CCHCR1: variants seen among roughly 807,000 people sequenced by gnomAD.
CCHCR1 encodes the protein HCR (a-helix coiled-coil rod homologue).
In CCHCR1, 91 loss-of-function variants were observed where a neutral mutation model predicts 114.6. The observed-to-expected ratio is 0.79, with a 90% CI of 0.67 to 0.94. The LOEUF (loss-of-function observed/expected upper bound fraction) is 0.94, where lower values mean the gene tolerates loss of function less well. Ranked by LOEUF, CCHCR1 falls within the 40% of genes least tolerant of loss-of-function variation. The pLI, the probability that CCHCR1 is intolerant of heterozygous loss-of-function variation, is 0.00. For synonymous variants in CCHCR1, 379 were observed against 428.5 expected (o/e 0.88, Z 1.43); for missense variants, 899 against 1,079.9 (o/e 0.83, Z 2.35).
Position 31,157,046 on chromosome 6 carries a change from T to C in CCHCR1, c.260A>G (p.Asn87Ser), listed in dbSNP as rs751663105. The C allele has an allele frequency of 3.1e-6, 5 of 1,612,516 alleles. No homozygotes were observed. The highest frequency in any genetic ancestry group is 3.4e-6 in the Non-Finnish European group (4 of 1,179,756). ...GWRQNLEPSN[N>S]VEMFPPSGST... The stretch of plus-strand genomic sequence containing the variant: ...ACCTGAAGGTGGAAACATCTCCACA[T>C]TATTTGAAGGCTCTAGATTCTGTCT... Residue 87 changes from asparagine (N) to serine (S), a missense_variant, in exon 2 of 18, where the codon AAT (asparagine) becomes AGT (serine). Asn to Ser is a conservative substitution (Grantham distance 46, BLOSUM62 1). Transcript: ENST00000396268.
Position 31,156,846 on chromosome 6 carries a change from G to A in CCHCR1, c.382C>T (p.Gln128Ter). ...PTWLSDIPLV[Q>*]PPGHQDVSER... ...GAGACATCTTGATGGCCTGGGGGTT[G>A]GACCAGGGGAATGTCTGAGAGCCAG... Residue 128 changes from glutamine (Q) to a stop codon, truncating the protein, a stop_gained, in exon 3 of 18, where the codon CAA becomes TAA. Transcript: ENST00000396268. LOFTEE classifies it high-confidence loss of function. 1 of 1,612,996 alleles carries A rather than the reference G, an allele frequency of 6.2e-7. No individual in the cohort carries two copies. The highest frequency in any genetic ancestry group is 1.1e-5 in the South Asian group (1 of 91,084).
rs1775045993 is a variant in CCHCR1 at position 31,150,438 on chromosome 6, T to TG, written c.1212+16dup. 6.2e-7 allele frequency: 1 copy of TG among 1,600,706 alleles called. No homozygotes were observed. The highest frequency in any genetic ancestry group is 1.7e-5 in the Admixed American group (1 of 59,744). On this transcript the variant is annotated intron_variant, in intron 7 of 17. Coordinates refer to ENST00000396268, the MANE Select transcript of CCHCR1 (RefSeq NM_001105564.2). This position sits in a 1 kb window ranked among gnomAD's most constrained non-coding sequence, Gnocchi z 5.3. Reference sequence around the variant, plus strand: ...AGGATGCGGCTGAGGGTGAGGGGTCTGGGGGTTGGGCTGTACCTTCCTGGT... The same window carrying TG: ...AGGATGCGGCTGAGGGTGAGGGGTCTGGGGGGTTGGGCTGTACCTTCCTGGT...
At chr6:31,149,992 T>C in intron 8 of CCHCR1, 74 bp downstream of exon 8, 1 of 1,547,118 alleles carries the variant, frequency 6.5e-7, no homozygotes, top group African/African-American at 1.4e-5. Context: ...TAAACACTGG[T>C]TGAATGGATG....
intron 4 of CCHCR1, among the ~76,000 whole-genome samples, chr6:31,152,026 G>C (rs1420015221): frequency 6.6e-6 from 1 of 152,188 alleles, no homozygotes; most frequent in East Asian, 1.9e-4. Context: ...GCCGGGCGCA[G>C]TGGCTCATTC....
At position 31,150,607 on chromosome 6, in the gene CCHCR1, C is replaced by CA; in HGVS notation, c.1102-43_1102-42insT. ...GCAGCCCCTCTGTAGGGCCTCCATG[C>CA]CGCCTTAGGTACCACCTTCTCTCCC... On this transcript the variant is annotated intron_variant, in intron 6 of 17. Transcript: ENST00000396268. This position sits in a 1 kb window ranked among gnomAD's most constrained non-coding sequence, Gnocchi z 5.3. 1 of 1,594,238 alleles carries CA rather than the reference C, an allele frequency of 6.3e-7. No individual in the cohort carries two copies. The highest frequency in any genetic ancestry group is 8.6e-7 in the Non-Finnish European group (1 of 1,166,990).
In CCHCR1 at chr6:31,156,803, G is replaced by T. The variant is rs533668453; in HGVS notation, c.425C>A (p.Thr142Asn). The change falls in exon 3 of 18, where the codon ACC becomes AAC. Residue 142 changes from threonine (T) to asparagine (N), a missense_variant. Coordinates refer to ENST00000396268, the MANE Select transcript of CCHCR1 (RefSeq NM_001105564.2). ...HQDVSERRLD[T>N]QRPQVTMWER... ...CCACATGGTCACTTGAGGTCTCTGGGTGTCTAGCCGCCTCTCTGAGACATC... is the reference window on the plus strand; with the variant it reads ...CCACATGGTCACTTGAGGTCTCTGGTTGTCTAGCCGCCTCTCTGAGACATC... The T allele has an allele frequency of 1.9e-6, 3 of 1,612,858 alleles. No individual in the cohort carries two copies. In the Admixed American group the frequency reaches 5.0e-5, roughly 27 times the overall value.
chr6:31,145,310 G>A lies in CCHCR1; in HGVS notation c.1740-8C>T, dbSNP rs1774167977. On this transcript the variant is annotated splice_region_variant and splice_polypyrimidine_tract_variant and intron_variant, in intron 12 of 17. Transcript: ENST00000396268. Reference sequence around the variant, plus strand: ...GGTGGTGGTAGGGGACAGCTGGGACGGGGAAGAGAAAGAGTCAGAAGAAAT... The same window carrying A: ...GGTGGTGGTAGGGGACAGCTGGGACAGGGAAGAGAAAGAGTCAGAAGAAAT... The A allele has an allele frequency of 6.2e-6, 10 of 1,613,592 alleles. No individual in the cohort carries two copies. The African/African-American group carries it at 8.0e-5, about 13-fold the overall frequency.
In CCHCR1 at chr6:31,143,477, T is replaced by G. The variant is rs979552601; in HGVS notation, c.2168-64A>C. On this transcript the variant is annotated intron_variant, in intron 15 of 17. Transcript: ENST00000396268. The surrounding 1 kb of genome is among the most constrained non-coding windows in gnomAD (Gnocchi z 5.3). Reference sequence around the variant, plus strand: ...TCAGGCCAGAGGCAGCCAGGCACCATGAAGACAGGAACAAACGCTGGGTCA... The same window carrying G: ...TCAGGCCAGAGGCAGCCAGGCACCAGGAAGACAGGAACAAACGCTGGGTCA... The G allele has an allele frequency of 1.3e-6, 2 of 1,573,306 alleles. No individual in the cohort carries two copies. Among genetic ancestry groups the G allele is most frequent in the Admixed American group, 1.8e-5 (1 of 56,458 alleles).
At chr6:31,146,205 C>A (rs1774307090) in intron 10 of CCHCR1, among the ~76,000 whole-genome samples, 1 of 152,032 alleles carries the variant, frequency 6.6e-6, no homozygotes, top group East Asian at 1.9e-4. Context: ...ATTAGCCGGG[C>A]ATGGTGGCTC....
chr6:31,144,453 C>T lies in CCHCR1; in HGVS notation c.2167+234G>A. On this transcript the variant is annotated intron_variant, in intron 15 of 17. Coordinates refer to ENST00000396268, the MANE Select transcript of CCHCR1 (RefSeq NM_001105564.2). The surrounding 1 kb of genome is among the most constrained non-coding windows in gnomAD (Gnocchi z 4.6). ...CAGGTGATACACCCACCTCGGCCTC[C>T]CAAAGTGCTTGGATTACAGGCATAA... The T allele has an allele frequency of 2.2e-6, 1 of 457,712 alleles. No homozygotes were observed. Among genetic ancestry groups the T allele is most frequent in the Non-Finnish European group, 3.8e-6 (1 of 260,616 alleles). The allele number at this position is 457,712 out of a possible 1,614,324, so 28.4% of individuals were successfully genotyped here.
Position 31,150,930 on chromosome 6 carries a change from T to C in CCHCR1, c.965+29A>G. ...GCAGATCCACCACATCACTAATTGC[T>C]GGGCTCCCGTCGGCGTCCGCCCACC... On this transcript the variant is annotated intron_variant, in intron 5 of 17. Coordinates refer to ENST00000396268, the MANE Select transcript of CCHCR1 (RefSeq NM_001105564.2). The surrounding 1 kb of genome is among the most constrained non-coding windows in gnomAD (Gnocchi z 5.3). The C allele has an allele frequency of 1.2e-6, 2 of 1,611,742 alleles. No homozygotes were observed. Among genetic ancestry groups the C allele is most frequent in the Non-Finnish European group, 1.7e-6 (2 of 1,179,318 alleles).
In CCHCR1 at chr6:31,144,725, C is replaced by A. The variant is rs1247167272; in HGVS notation, c.2129G>T (p.Arg710Met). 1.2e-5 allele frequency: 19 copies of A among 1,613,470 alleles called. No individual in the cohort carries two copies. In the Admixed American group the frequency reaches 3.2e-4, roughly 27 times the overall value. The change falls in exon 15 of 18, where the codon AGG becomes ATG. Residue 710 changes from arginine to methionine, a missense_variant. Physicochemically the swap from Arg to Met is moderately conservative, Grantham distance 91. Transcript: ENST00000396268. This position sits in a 1 kb window ranked among gnomAD's most constrained non-coding sequence, Gnocchi z 4.6. The part of the protein sequence containing the change: ...RLREQLSDTE[R>M]RLNEARREHA... ...CTCCCTCCGAGCCTCGTTCAGCCTC[C>A]TCTCTGTGTCTGAGAGTTGCTCCCG...
At position 31,144,722 on chromosome 6, in the gene CCHCR1, C is replaced by T. The variant is rs1774052166; in HGVS notation, c.2132G>A (p.Arg711Lys). ...ATGCTCCCTCCGAGCCTCGTTCAGC[C>T]TCCTCTCTGTGTCTGAGAGTTGCTC... ...LREQLSDTER[R>K]LNEARREHAK... The change falls in exon 15 of 18, where the codon AGG (arginine) becomes AAG (lysine). Residue 711 changes from arginine to lysine, a missense_variant. Coordinates refer to ENST00000396268, the MANE Select transcript of CCHCR1 (RefSeq NM_001105564.2). This position sits in a 1 kb window ranked among gnomAD's most constrained non-coding sequence, Gnocchi z 4.6. The T allele has an allele frequency of 6.2e-7, 1 of 1,613,324 alleles. No individual in the cohort carries two copies. The highest frequency in any genetic ancestry group is 1.3e-5 in the African/African-American group (1 of 74,918).
chr6:31,149,816 G>A (rs530513451), intron 8 of CCHCR1: 7 of 489,706 alleles, frequency 1.4e-5, no homozygotes, highest in East Asian at 1.4e-4. Flanking sequence ...CAAAGTGATC[G>A]CATTATAGGT....
rs1182270827 is a variant in CCHCR1 at position 31,151,363 on chromosome 6, C to T, written c.802-241G>A. On this transcript the variant is annotated intron_variant, in intron 4 of 17. Transcript: ENST00000396268. The surrounding 1 kb of genome is among the most constrained non-coding windows in gnomAD (Gnocchi z 4.1). ...TGTCTCCGTCTCCACTGCCACCAAC[C>T]CTCATCTTTTGCCTGGGCAACAGCG... Among the ~76,000 whole-genome samples the T allele has an allele frequency of 2.0e-5, 3 of 152,214 alleles. No individual in the cohort carries two copies. The highest frequency in any genetic ancestry group is 4.4e-5 in the Non-Finnish European group (3 of 68,036).
rs762198858 is a variant in CCHCR1, at chr6:31,157,551, C to G, written c.50G>C (p.Gly17Ala). The change falls in exon 1 of 18, where the codon GGG becomes GCG. Residue 17 changes from glycine (G) to alanine (A), a missense_variant. Coordinates refer to ENST00000396268, the MANE Select transcript of CCHCR1 (RefSeq NM_001105564.2). The stretch of plus-strand genomic sequence containing the variant: ...GCAGGCCATGACTCTTGGGTCCTTC[C>G]CTGTTAAAGTGCTGGCCCAAGGCCT... ...GARPWASTLT[G>A]KDPRVMACWC... 3 of 1,613,008 alleles carry G rather than the reference C, an allele frequency of 1.9e-6. No individual in the cohort carries two copies.
chr6:31,147,321 A>C, intron 10 of CCHCR1, among the ~76,000 whole-genome samples: 1 of 148,810 alleles, frequency 6.7e-6, no homozygotes, highest in East Asian at 2.1e-4. Flanking sequence ...AATCGTGTGA[A>C]CCCGGGAGGC....
chr6:31,156,482 T>C, intron 3 of CCHCR1: 1 of 521,458 alleles, frequency 1.9e-6, no homozygotes, highest in South Asian at 2.6e-5. Flanking sequence ...TCAATCTATC[T>C]CCCCTCTTAG....
At position 31,154,823 on chromosome 6, in the gene CCHCR1, T is replaced by C; in HGVS notation, c.498-24A>G. ...ACCTTCAAAGACAGGTTAGTGCAGG[T>C]GAGACTTGTCTCCAGTGCTGGAAGG... On this transcript the variant is annotated intron_variant, in intron 3 of 17. Transcript: ENST00000396268. The surrounding 1 kb of genome is among the most constrained non-coding windows in gnomAD (Gnocchi z 4.1). 6.3e-7 allele frequency: 1 copy of C among 1,577,868 alleles called. No homozygotes were observed. The highest frequency in any genetic ancestry group is 8.6e-7 in the Non-Finnish European group (1 of 1,165,610).
Sources: allele counts gnomAD v4.1 joint callset (sites outside exome capture counted in the v4.1 genomes callset), GRCh38; gene constraint gnomAD v4.1.1; non-coding constraint Gnocchi (gnomAD v3.1); transcripts MANE v1.5; gene names NCBI Gene and HGNC (gene_info 2026-07-23, HGNC 2026-07-21).